Variants in BRF1 observed in about 807,000 individuals in gnomAD.
BRF1 encodes the protein BRF1 general transcription factor IIIB subunit, also known as transcription factor IIIB 90 kDa subunit.
A neutral mutation model predicts 81.7 loss-of-function variants in BRF1; 59 were observed. The observed-to-expected ratio is 0.72, with a 90% CI of 0.59 to 0.90. The LOEUF is 0.90. BRF1 is among the 40% of genes least tolerant of loss of function. The pLI, the probability that BRF1 is intolerant of heterozygous loss-of-function variation, is 0.00. For synonymous variants in BRF1, 491 were observed against 395.6 expected, an observed-to-expected ratio of 1.24 and a Z score of -2.86; for missense variants, 1,050 against 936.3, an observed-to-expected ratio of 1.12 and a Z score of -1.58.
In BRF1 at chr14:105,210,530, C is replaced by G; in HGVS notation, c.*21G>C. The G allele has an allele frequency of 6.2e-7, 1 of 1,610,030 alleles. No homozygotes were observed. Among genetic ancestry groups the G allele is most frequent in the Non-Finnish European group, 8.5e-7 (1 of 1,179,764 alleles). The stretch of plus-strand genomic sequence containing the variant: ...CCCGCGAGGCCCCCTGCCAGGACAT[C>G]ACCTGCCTGGAGGCCACACTTCAGT... On this transcript the variant is annotated 3_prime_UTR_variant, in exon 18 of 18. Transcript: ENST00000547530. The surrounding 1 kb of genome is among the most constrained non-coding windows in gnomAD (Gnocchi z 4.7).
At chr14:105,229,392 A>G (rs587699923) in intron 6 of BRF1, among the ~76,000 whole-genome samples, 2 of 152,328 alleles carry the variant, frequency 1.3e-5, no homozygotes, top group African/African-American at 2.4e-5. Context: ...TCTCAGGTGG[A>G]CTGAATCCTG....
At chr14:105,305,946 G>A (rs141402842), upstream of BRF1, among the ~76,000 whole-genome samples, 22 of 152,382 alleles carry the variant, frequency 1.4e-4, 1 homozygote, top group African/African-American at 5.0e-4. Flanking sequence ...AGTGATCTCC[G>A]CTCTGGCTGT....
At chr14:105,214,476 GTGGCTCAGCTGCCCACACCCCTGCA>G (rs879864616) in intron 15 of BRF1, among the ~76,000 whole-genome samples, 67,355 of 145,508 alleles carry the variant, frequency 0.46, 17,702 homozygotes, top group African/African-American at 0.71. Context: ...ACACCCCTGC[GTGGCTCAGCTGCCCACACCCCTGCA>G]TGGCTCAGCT....
intron 7 of BRF1, chr14:105,227,659 G>T (rs972096301): frequency 1.3e-5 from 2 of 152,340 alleles, no homozygotes; most frequent in African/African-American, 4.8e-5. Flanking sequence ...CTGAAGAGAG[G>T]AGGCTGGGCT....
At chr14:105,278,959 G>A (rs587752757) in intron 2 of BRF1, among the ~76,000 whole-genome samples, 35 of 152,210 alleles carry the variant, frequency 2.3e-4, no homozygotes, top group African/African-American at 7.7e-4. Context: ...CAGGAGAATC[G>A]CTTGCACCCA....
intron 4 of BRF1, chr14:105,256,178 A>G (rs2055855649): frequency 3.3e-6 from 5 of 1,523,430 alleles, no homozygotes; most frequent in Non-Finnish European, 4.4e-6. Context: ...CTCCTATACC[A>G]AACTAGGTAC....
rs1002314360 is a variant in BRF1, at chr14:105,300,639, C to G, written c.-10G>C. 3.0e-6 allele frequency: 4 copies of G among 1,355,858 alleles called. No individual in the cohort carries two copies. Among genetic ancestry groups the G allele is most frequent in the Admixed American group, 4.0e-5 (1 of 25,004 alleles). 84.0% of individuals were successfully genotyped at this position (1,355,858 alleles called of 1,614,324 possible). ...ACACGCGGCCCGTCATGCCGGCGAC[C>G]GCGCGGGCAGCGCCCGGAGCCTCCC... On this transcript the variant is annotated 5_prime_UTR_variant, in exon 1 of 18. Coordinates refer to ENST00000547530, the MANE Select transcript of BRF1 (RefSeq NM_001519.4).
intron 14 of BRF1, 56 bp from the exon 15 acceptor site, chr14:105,217,856 A>C: frequency 6.3e-7 from 1 of 1,586,746 alleles, no homozygotes; most frequent in Non-Finnish European, 8.6e-7. Flanking sequence ...GCACTCCACC[A>C]TCAGGGGCTC....
At position 105,270,032 on chromosome 14, in the gene BRF1, C is replaced by T. The variant is rs587710665; in HGVS notation, c.439+2689G>A. Among the ~76,000 whole-genome samples, 98 of 152,226 alleles carry T rather than the reference C, an allele frequency of 6.4e-4. 1 individual carries two copies. The South Asian group carries it at 7.7e-3, about 12-fold the overall frequency. On this transcript the variant is annotated intron_variant, in intron 3 of 17. Transcript: ENST00000547530. ...CGGGGCAAGCAGACAGCAGGCGGGGCGGGCAGGGACGCGGGCGTGGGCTCT... is the reference window on the plus strand; with the variant it reads ...CGGGGCAAGCAGACAGCAGGCGGGGTGGGCAGGGACGCGGGCGTGGGCTCT...
At chr14:105,225,413 G>C (rs1292553271) in intron 10 of BRF1, among the ~76,000 whole-genome samples, 1 of 152,086 alleles carries the variant, frequency 6.6e-6, no homozygotes, top group Admixed American at 6.6e-5. Flanking sequence ...CATTATACCC[G>C]CTTATACCCC....
intron 6 of BRF1, 123 bp downstream of exon 6, chr14:105,241,142 A>G (rs901808176): frequency 1.4e-6 from 2 of 1,463,488 alleles, no homozygotes; most frequent in South Asian, 2.6e-5. Flanking sequence ...CAGCCCCGGG[A>G]GGCTGGAGGC....
At chr14:105,229,671 C>T (rs1179054994) in intron 6 of BRF1, among the ~76,000 whole-genome samples, 8 of 149,264 alleles carry the variant, frequency 5.4e-5, no homozygotes, top group South Asian at 2.1e-4. Flanking sequence ...CCCCGTGGCA[C>T]CCTCAGGAGC....
chr14:105,261,300 C>T (rs587766634), intron 3 of BRF1, among the ~76,000 whole-genome samples: 34 of 152,336 alleles, frequency 2.2e-4, no homozygotes, highest in Middle Eastern at 3.4e-3. Flanking sequence ...CGGCAGAGGC[C>T]CACGCGAGGC....
chr14:105,241,758 C>T (rs587653368), intron 5 of BRF1: 88 of 327,146 alleles, frequency 2.7e-4, no homozygotes, highest in African/African-American at 1.5e-3. Context: ...CACGCAACAA[C>T]GGTCCGGGGA....
At chr14:105,311,705 G>T (rs186744718) in intron 1 of BRF1, among the ~76,000 whole-genome samples, 1 of 152,204 alleles carries the variant, frequency 6.6e-6, no homozygotes, top group African/African-American at 2.4e-5. Context: ...AAGGGTGACC[G>T]TGGGAACTGT....
chr14:105,257,789 G>T (rs2055957921), intron 3 of BRF1, among the ~76,000 whole-genome samples: 1 of 152,152 alleles, frequency 6.6e-6, no homozygotes, highest in Non-Finnish European at 1.5e-5. Context: ...AAGTGAACGA[G>T]GCCAGAAGGC....
intron 4 of BRF1, among the ~76,000 whole-genome samples, chr14:105,254,575 T>C (rs1566840476): frequency 6.6e-6 from 1 of 151,304 alleles, no homozygotes; most frequent in East Asian, 1.9e-4. Context: ...TTGTTTGTTT[T>C]CTTGAGACAG....
chr14:105,242,874 G>C (rs2054794498), intron 5 of BRF1, among the ~76,000 whole-genome samples: 1 of 152,144 alleles, frequency 6.6e-6, no homozygotes, highest in Non-Finnish European at 1.5e-5. Context: ...CCAACACTTT[G>C]GGAGATTAGG....
At chr14:105,252,385 A>G in intron 5 of BRF1, 122 bp downstream of exon 5, 1 of 1,444,854 alleles carries the variant, frequency 6.9e-7, no homozygotes, top group South Asian at 1.5e-5. Context: ...TTTAAGAAAC[A>G]TTTCTTACCT....
Sources: allele counts gnomAD v4.1 joint callset (sites outside exome capture counted in the v4.1 genomes callset), GRCh38; gene constraint gnomAD v4.1.1; non-coding constraint Gnocchi (gnomAD v3.1); transcripts MANE v1.5; gene names NCBI Gene and HGNC (gene_info 2026-07-23, HGNC 2026-07-21).